Variants in MRPS31 observed in about 807,000 individuals in gnomAD.
MRPS31 encodes the protein mitochondrial ribosomal protein S31.
Under a neutral mutation model 43.1 loss-of-function variants are expected in MRPS31, and 32 were observed. That is an observed-to-expected ratio of 0.74 (90% CI 0.56 to 1.00). The LOEUF is 1.00. Ranked by LOEUF, MRPS31 falls within the 50% of genes least tolerant of loss-of-function variation. MRPS31 has a pLI of 0.00. For missense variants in MRPS31, 437 were observed against 466.7 expected (o/e 0.94, Z 0.59); for synonymous variants, 165 against 161.6 (o/e 1.02, Z -0.16).
At chr13:40,763,215 T>A (rs1294465785) in intron 2 of MRPS31, among the ~76,000 whole-genome samples, 1 of 152,072 alleles carries the variant, frequency 6.6e-6, no homozygotes, top group East Asian at 1.9e-4. Context: ...CCCAGTCCAT[T>A]CGGGAAGATG....
chr13:40,766,696 A>T (rs748583117), intron 2 of MRPS31, 50 bp downstream of exon 2: 2 of 1,514,052 alleles, frequency 1.3e-6, no homozygotes, highest in Non-Finnish European at 1.8e-6. Flanking sequence ...TTACCAAAAC[A>T]AAAAGCTTAC....
intron 2 of MRPS31, among the ~76,000 whole-genome samples, chr13:40,764,924 G>A (rs560465510): frequency 6.6e-6 from 1 of 152,304 alleles, no homozygotes; most frequent in South Asian, 2.1e-4. Context: ...GGGAGGTAGT[G>A]TAGCCATGGT....
chr13:40,760,435 G>A (rs1160656347), intron 2 of MRPS31, among the ~76,000 whole-genome samples: 4 of 151,972 alleles, frequency 2.6e-5, no homozygotes, highest in African/African-American at 9.7e-5. Context: ...GAAGGCATAG[G>A]ACATACAAGA....
Position 40,756,973 on chromosome 13 carries a change from C to T in MRPS31, c.640G>A (p.Ala214Thr). 1 of 1,612,766 alleles carries T rather than the reference C, an allele frequency of 6.2e-7. No homozygotes were observed. The highest frequency in any genetic ancestry group is 1.1e-5 in the South Asian group (1 of 90,838). Residue 214 changes from alanine (A) to threonine (T), a missense_variant, in exon 4 of 7, where the codon GCT becomes ACT. Coordinates refer to ENST00000323563, the MANE Select transcript of MRPS31 (RefSeq NM_005830.4). Reference sequence around the variant, plus strand: ...GGTCTTGAACGAACTCTAGCTGTAGCAGATCTGGCAACTTTCATATCTGAT... The same window carrying T: ...GGTCTTGAACGAACTCTAGCTGTAGTAGATCTGGCAACTTTCATATCTGAT... ...IISDMKVARS[A>T]TARVRSRPEL...
At chr13:40,730,530 A>G (rs1305115947) in intron 6 of MRPS31, among the ~76,000 whole-genome samples, 1 of 152,184 alleles carries the variant, frequency 6.6e-6, no homozygotes, top group African/African-American at 2.4e-5. Context: ...GAATCAATCA[A>G]TCAATCAATA....
chr13:40,749,014 G>T, intron 6 of MRPS31, 124 bp downstream of exon 6: 3 of 864,772 alleles, frequency 3.5e-6, no homozygotes, highest in Non-Finnish European at 5.1e-6. Flanking sequence ...TTTATTTTAG[G>T]ACACCATGAA....
intron 6 of MRPS31, among the ~76,000 whole-genome samples, chr13:40,737,926 A>T (rs1383197108): frequency 6.6e-6 from 1 of 152,110 alleles, no homozygotes; most frequent in Non-Finnish European, 1.5e-5. Flanking sequence ...AAGGCAAGAA[A>T]TAACTAAAAT....
At chr13:40,739,312 T>C (rs1369528091) in intron 6 of MRPS31, among the ~76,000 whole-genome samples, 1 of 152,178 alleles carries the variant, frequency 6.6e-6, no homozygotes, top group Non-Finnish European at 1.5e-5. Context: ...TGGAAGAACA[T>C]TCCATGCTTA....
chr13:40,752,840 G>A (rs1424023456), intron 5 of MRPS31, among the ~76,000 whole-genome samples: 1 of 152,008 alleles, frequency 6.6e-6, no homozygotes, highest in East Asian at 1.9e-4. Flanking sequence ...CTGGGCTCCA[G>A]TGATCCTGCC....
At chr13:40,731,252 C>CA (rs1161901636) in intron 6 of MRPS31, 15,309 of 64,858 alleles carry the variant, frequency 0.24, 1,467 homozygotes, top group African/African-American at 0.37. Flanking sequence ...GACCCTGTCT[C>CA]AAAAAAAAAA....
chr13:40,764,187 G>A (rs543980323), intron 2 of MRPS31, among the ~76,000 whole-genome samples: 1 of 152,238 alleles, frequency 6.6e-6, no homozygotes, highest in Non-Finnish European at 1.5e-5. Context: ...AGGTGGGGCC[G>A]TGGGATACAG....
At chr13:40,739,178 C>A (rs1880009050) in intron 6 of MRPS31, among the ~76,000 whole-genome samples, 1 of 152,082 alleles carries the variant, frequency 6.6e-6, no homozygotes, top group South Asian at 2.1e-4. Flanking sequence ...TGAGTGAACT[C>A]CCATTCACAA....
chr13:40,758,917 C>T, intron 3 of MRPS31, 31 bp downstream of exon 3: 1 of 1,508,614 alleles, frequency 6.6e-7, no homozygotes, highest in Non-Finnish European at 8.8e-7. Context: ...GAGATATAAA[C>T]ATTACTGACT....
chr13:40,757,798 A>C (rs1360428596), intron 3 of MRPS31, among the ~76,000 whole-genome samples: 1 of 139,152 alleles, frequency 7.2e-6, no homozygotes, highest in African/African-American at 2.7e-5. Flanking sequence ...CCCAGGCTGG[A>C]GTGCTGTTGT....
At chr13:40,769,758 G>A (rs1428750037) in intron 1 of MRPS31, among the ~76,000 whole-genome samples, 2 of 151,956 alleles carry the variant, frequency 1.3e-5, no homozygotes, top group African/African-American at 4.8e-5. Flanking sequence ...TTACTACAAT[G>A]TTTTCTTTCA....
At chr13:40,747,086 T>C (rs769179652) in intron 6 of MRPS31, among the ~76,000 whole-genome samples, 2 of 152,038 alleles carry the variant, frequency 1.3e-5, no homozygotes, top group African/African-American at 2.4e-5. Flanking sequence ...TTTCTTTCTT[T>C]CTTTTTTTTT....
chr13:40,750,765 T>C (rs1329958379), intron 5 of MRPS31, among the ~76,000 whole-genome samples: 1 of 145,732 alleles, frequency 6.9e-6, no homozygotes, highest in Non-Finnish European at 1.5e-5. Flanking sequence ...TATATATATA[T>C]ATATATATTA....
chr13:40,758,690 T>C (rs1193573716), intron 3 of MRPS31, among the ~76,000 whole-genome samples: 1 of 152,252 alleles, frequency 6.6e-6, no homozygotes, highest in Non-Finnish European at 1.5e-5. Flanking sequence ...ATAACATTAT[T>C]GAATTTACCA....
Position 40,750,689 on chromosome 13 carries a change from G to A in MRPS31, c.815-1408C>T, listed in dbSNP as rs576765241. Among the ~76,000 whole-genome samples, 89 of 143,954 alleles carry A rather than the reference G, an allele frequency of 6.2e-4. 1 individual carries two copies. Among genetic ancestry groups the A allele is most frequent in the African/African-American group, 2.2e-3 (85 of 38,868 alleles). The allele number at this position is 143,954 out of a possible 152,430, so 94.4% of individuals were successfully genotyped here. ...TCACTTTTTAAAATAAATGAGGATC[G>A]TATAGTTTGGTAATCTACTTTTTTC... On this transcript the variant is annotated intron_variant, in intron 5 of 6. Coordinates refer to ENST00000323563, the MANE Select transcript of MRPS31 (RefSeq NM_005830.4).
Sources: allele counts gnomAD v4.1 joint callset (sites outside exome capture counted in the v4.1 genomes callset), GRCh38; gene constraint gnomAD v4.1.1; transcripts MANE v1.5; gene names NCBI Gene and HGNC (gene_info 2026-07-23, HGNC 2026-07-21).